Variants in SORCS1 observed in about 807,000 individuals in gnomAD.
SORCS1 encodes VPS10 domain-containing receptor SorCS1.
A neutral mutation model predicts 146.1 loss-of-function variants in SORCS1; 60 were observed. The ratio of observed to expected loss-of-function variants is 0.41; its 90% CI spans 0.33 to 0.51. The LOEUF is 0.51. Among genes scored for constraint, SORCS1 ranks in the 20% least tolerant of loss-of-function variants. The probability of loss-of-function intolerance (pLI) is 0.21; values close to 1 mark genes in which losing one functional copy is unlikely to be tolerated. For missense variants in SORCS1, 1,352 were observed against 1,487.6 expected (o/e 0.91, Z 1.50); for synonymous variants, 637 against 584.0 (o/e 1.09, Z -1.31).
At chr10:106,956,348 G>A (rs1954941102) in intron 2 of SORCS1, among the ~76,000 whole-genome samples, 165 bp downstream of exon 2, 1 of 152,178 alleles carries the variant, frequency 6.6e-6, no homozygotes, top group Non-Finnish European at 1.5e-5. Context: ...TGGCCTGCCT[G>A]GAGATAAAGC....
chr10:106,884,536 G>A (rs974446314), intron 2 of SORCS1, among the ~76,000 whole-genome samples: 2 of 151,802 alleles, frequency 1.3e-5, no homozygotes, highest in Non-Finnish European at 1.5e-5. Flanking sequence ...TCATGTCTTG[G>A]TGACAAATTT....
intron 1 of SORCS1, among the ~76,000 whole-genome samples, chr10:107,038,662 T>G (rs930792258): frequency 6.8e-6 from 1 of 146,712 alleles, no homozygotes; most frequent in East Asian, 2.0e-4. Context: ...AAGAGGAAAG[T>G]AGACACTGCC....
chr10:106,924,549 T>C (rs942625471), intron 2 of SORCS1, among the ~76,000 whole-genome samples: 6 of 151,862 alleles, frequency 4.0e-5, no homozygotes, highest in African/African-American at 1.2e-4. Context: ...CCAAAACATA[T>C]GGAGGCAAAA....
chr10:106,880,904 T>C (rs1027989797), intron 2 of SORCS1, among the ~76,000 whole-genome samples: 20 of 151,516 alleles, frequency 1.3e-4, no homozygotes, highest in South Asian at 6.2e-4. Context: ...CTGGCTAACA[T>C]GGTGAAACCC....
At chr10:106,954,427 T>A (rs1010269711) in intron 2 of SORCS1, among the ~76,000 whole-genome samples, 1 of 152,068 alleles carries the variant, frequency 6.6e-6, no homozygotes, top group African/African-American at 2.4e-5. Context: ...GCACAAAAAA[T>A]TATACTTTTA....
intron 4 of SORCS1, among the ~76,000 whole-genome samples, chr10:106,768,556 A>G (rs1589836410): frequency 1.3e-5 from 2 of 152,232 alleles, no homozygotes; most frequent in African/African-American, 4.8e-5. Flanking sequence ...AAATACTTTA[A>G]TATTTAATGG....
chr10:106,910,823 G>A (rs1011780036), intron 2 of SORCS1, among the ~76,000 whole-genome samples: 5 of 151,962 alleles, frequency 3.3e-5, no homozygotes, highest in Admixed American at 3.3e-4. Context: ...TTAAATCAAC[G>A]ATATTTCTTA....
At chr10:106,689,362 A>G (rs1853122159) in intron 9 of SORCS1, among the ~76,000 whole-genome samples, 1 of 152,192 alleles carries the variant, frequency 6.6e-6, no homozygotes, top group Admixed American at 6.5e-5. Flanking sequence ...AAACATGTTG[A>G]GTAATGCATT....
At chr10:106,592,833 A>G (rs2133283719) in intron 24 of SORCS1, among the ~76,000 whole-genome samples, 1 of 150,824 alleles carries the variant, frequency 6.6e-6, no homozygotes, top group Admixed American at 6.6e-5. Context: ...CCAAATATTA[A>G]TGTGTTAATT....
intron 1 of SORCS1, among the ~76,000 whole-genome samples, chr10:107,037,824 TTTTA>T (rs939190855): frequency 6.6e-6 from 1 of 152,064 alleles, no homozygotes. Context: ...CTTTATTGAT[TTTTA>T]TTTATTTATT....
intron 19 of SORCS1, among the ~76,000 whole-genome samples, chr10:106,623,739 C>A (rs1442278706): frequency 2.0e-5 from 3 of 152,086 alleles, no homozygotes. Flanking sequence ...GATCTCAGCT[C>A]ACTGCAACCT....
intron 4 of SORCS1, among the ~76,000 whole-genome samples, chr10:106,767,537 G>T (rs890625965): frequency 1.3e-5 from 2 of 152,056 alleles, no homozygotes; most frequent in African/African-American, 4.8e-5. Flanking sequence ...TGTTCAGGTT[G>T]GAGTACAGTG....
At chr10:106,689,684 C>A (rs1041220112) in intron 9 of SORCS1, among the ~76,000 whole-genome samples, 3 of 152,196 alleles carry the variant, frequency 2.0e-5, no homozygotes, top group Non-Finnish European at 2.9e-5. Flanking sequence ...CCTGCACCTG[C>A]AGCTTTTACC....
Position 106,612,013 on chromosome 10 carries a change from C to T in SORCS1, c.2931G>A (p.Arg977=), listed in dbSNP as rs137982321. The T allele has an allele frequency of 8.7e-6, 14 of 1,613,806 alleles. No homozygotes were observed. Among genetic ancestry groups the T allele is most frequent in the Non-Finnish European group, 1.2e-5 (14 of 1,179,762 alleles). The change falls in exon 22 of 26, where the codon CGG becomes CGA. Residue 977 remains arginine, a synonymous_variant. Transcript: ENST00000263054. ...TTGGAGAAAAGGACAAGCGAAGAGA[C>T]CGGAATTCCTCTGGGGATATAACAG... ...TKTIAVYEEF[R]SLRLSFSPNL...
At chr10:106,915,764 C>T (rs950462945) in intron 2 of SORCS1, among the ~76,000 whole-genome samples, 12 of 152,168 alleles carry the variant, frequency 7.9e-5, no homozygotes, top group African/African-American at 2.9e-4. Flanking sequence ...GTCTGACTTC[C>T]AATAATGTAT....
chr10:106,591,416 C>T (rs1291078124), intron 24 of SORCS1, among the ~76,000 whole-genome samples: 1 of 152,112 alleles, frequency 6.6e-6, no homozygotes, highest in African/African-American at 2.4e-5. Flanking sequence ...TGCAAGTCTC[C>T]ACTGATGAGT....
chr10:106,678,948 G>A (rs1016754606), intron 12 of SORCS1, among the ~76,000 whole-genome samples: 6 of 152,020 alleles, frequency 3.9e-5, no homozygotes, highest in Non-Finnish European at 8.8e-5. Flanking sequence ...TAAACCCTTA[G>A]GAATTCTGGT....
intron 2 of SORCS1, among the ~76,000 whole-genome samples, chr10:106,954,561 T>C (rs900659371): frequency 1.5e-4 from 23 of 152,190 alleles, no homozygotes; most frequent in Admixed American, 1.4e-3. Flanking sequence ...TGGGTTTCAT[T>C]GGGGGCTTGT....
intron 1 of SORCS1, among the ~76,000 whole-genome samples, chr10:107,161,340 C>T (rs990887230): frequency 7.9e-5 from 12 of 152,282 alleles, no homozygotes; most frequent in African/African-American, 2.6e-4. Context: ...CTGAATGGGT[C>T]TGGGGGCAGA....
Sources: allele counts gnomAD v4.1 joint callset (sites outside exome capture counted in the v4.1 genomes callset), GRCh38; gene constraint gnomAD v4.1.1; transcripts MANE v1.5; gene names NCBI Gene and HGNC (gene_info 2026-07-23, HGNC 2026-07-21).